Variants in MSR1 observed in about 807,000 individuals in gnomAD.
MSR1 encodes the protein macrophage scavenger receptor types I and II.
In MSR1, 53 loss-of-function variants were observed where a neutral mutation model predicts 47.2. That is an observed-to-expected ratio of 1.12 (90% CI 0.90 to 1.41). The LOEUF is 1.41. Ranked by LOEUF, MSR1 falls within the 40% of genes most tolerant of loss-of-function variation. MSR1 has a pLI of 0.00. For missense variants in MSR1, 786 were observed against 546.9 expected (o/e 1.44, Z -4.36); for synonymous variants, 239 against 185.6 (o/e 1.29, Z -2.34).
chr8:16,186,041 A>G, intron 1 of MSR1: 1 of 870,014 alleles, frequency 1.1e-6, no homozygotes, highest in South Asian at 1.7e-5. Context: ...TGCCACATAG[A>G]ATTTAAGTTG....
At position 16,189,402 on chromosome 8, in the gene MSR1, AT is replaced by A. The variant is rs1441561280; in HGVS notation, c.-5+3195del. ...ATATATAAAATCTTATTTTATATATATTTTATATATATTTTATATATATAAA... is the reference window on the plus strand; with the variant it reads ...ATATATAAAATCTTATTTTATATATATTTATATATATTTTATATATATAAA... On this transcript the variant is annotated intron_variant, in intron 1 of 9. Coordinates refer to ENST00000262101, the MANE Select transcript of MSR1 (RefSeq NM_138715.3). Among the ~76,000 whole-genome samples, 22 of 96,900 alleles carry A rather than the reference AT, an allele frequency of 2.3e-4. 1 individual carries two copies. Among genetic ancestry groups the A allele is most frequent in the African/African-American group, 3.9e-4 (7 of 17,894 alleles). The allele number at this position is 96,900 out of a possible 152,430, so 63.6% of individuals were successfully genotyped here.
chr8:16,120,676 A>G, intron 8 of MSR1, 70 bp from the exon 9 acceptor site: 1 of 1,492,814 alleles, frequency 6.7e-7, no homozygotes, highest in Admixed American at 2.5e-5. Flanking sequence ...ATACTGCTTT[A>G]CAGCACTTTT....
At chr8:16,119,087 G>A (rs1455717924) in intron 9 of MSR1, among the ~76,000 whole-genome samples, 2 of 152,038 alleles carry the variant, frequency 1.3e-5, no homozygotes, top group Non-Finnish European at 2.9e-5. Context: ...ACGGCCAGGG[G>A]CTGAAACTGG....
chr8:16,118,428 T>C (rs1023649318), intron 9 of MSR1, among the ~76,000 whole-genome samples: 1 of 152,190 alleles, frequency 6.6e-6, no homozygotes, highest in African/African-American at 2.4e-5. Context: ...AAATGGATTC[T>C]GTTCCCACAA....
rs1448270877 is a variant in MSR1, at chr8:16,189,274, CAAATATATAAAATCTTATTTACATTTCAT to C, written c.-5+3295_-5+3323del. On this transcript the variant is annotated intron_variant, in intron 1 of 9. Transcript: ENST00000262101. ...ATATAATCTTATTTTATTTATATTT[CAAATATATAAAATCTTATTTACATTTCAT>C]ATATATATAAAATCTTATTTACATT... is the stretch of plus-strand genomic sequence containing the variant. Among the ~76,000 whole-genome samples the C allele has an allele frequency of 2.5e-4, 33 of 132,546 alleles. 2 individuals carry two copies. The highest frequency in any genetic ancestry group is 7.4e-4 in the African/African-American group (27 of 36,594). 87.0% of individuals were successfully genotyped at this position (132,546 alleles called of 152,430 possible). A position where few individuals can be genotyped will look rare whatever the true frequency, so the allele number is the denominator to read the frequency against.
chr8:16,139,638 T>C (rs1209192688), intron 8 of MSR1: 4 of 972,054 alleles, frequency 4.1e-6, no homozygotes, highest in Admixed American at 6.2e-5. Context: ...GTATTCTTTT[T>C]CATGATCAAA....
In MSR1 at chr8:16,177,874, C is replaced by G. The variant is rs1051280589; in HGVS notation, c.103+12G>C. On this transcript the variant is annotated intron_variant, in intron 2 of 9. Transcript: ENST00000262101. ...AACAACCTCCATGGGCAGCCCATCCCCCTCTACTTACTCGGAGGAAGCAAA... is the reference window on the plus strand; with the variant it reads ...AACAACCTCCATGGGCAGCCCATCCGCCTCTACTTACTCGGAGGAAGCAAA... 3.1e-6 allele frequency: 5 copies of G among 1,609,040 alleles called. No individual in the cohort carries two copies. The highest frequency in any genetic ancestry group is 1.1e-5 in the South Asian group (1 of 90,970).
intron 1 of MSR1, among the ~76,000 whole-genome samples, chr8:16,187,372 A>C (rs1802033517): frequency 7.4e-6 from 1 of 135,062 alleles, no homozygotes; most frequent in Admixed American, 7.4e-5. Flanking sequence ...TCCAAAAAAA[A>C]AAAAAAAAAA....
chr8:16,156,865 G>C (rs1801025239), intron 5 of MSR1, among the ~76,000 whole-genome samples: 1 of 151,892 alleles, frequency 6.6e-6, no homozygotes, highest in African/African-American at 2.4e-5. Context: ...GAATCTCTAT[G>C]TGCCCCCTAT....
chr8:16,116,525 A>G (rs1658481820), intron 9 of MSR1, among the ~76,000 whole-genome samples: 1 of 152,162 alleles, frequency 6.6e-6, no homozygotes, highest in South Asian at 2.1e-4. Flanking sequence ...TGAGAGACTT[A>G]TCTCCACATA....
In MSR1 at chr8:16,168,845, C is replaced by A. The variant is rs777586532; in HGVS notation, c.243G>T (p.Lys81Asn). 6 of 1,613,476 alleles carry A rather than the reference C, an allele frequency of 3.7e-6. No individual in the cohort carries two copies. The highest frequency in any genetic ancestry group is 8.5e-7 in the Non-Finnish European group (1 of 1,179,990). The stretch of plus-strand genomic sequence containing the variant: ...CATTAGTTGAACTAACTGAGCAATT[C>A]TTCGTTTCCCACTTCAGGAGTTGAG... The part of the protein sequence containing the change: ...VAAQLLKWET[K>N]NCSVSSTNAN... The change falls in exon 4 of 10, where the codon AAG becomes AAT. Residue 81 changes from lysine (K) to asparagine (N), a missense_variant. Physicochemically the swap from Lys to Asn is moderately conservative, Grantham distance 94. Transcript: ENST00000262101.
At chr8:16,155,182 G>T (rs946765604) in intron 5 of MSR1, 38 bp from the exon 6 acceptor site, 2 of 1,526,026 alleles carry the variant, frequency 1.3e-6, no homozygotes, top group Non-Finnish European at 1.8e-6. Context: ...TAGTTGTAAA[G>T]CATAGGAAAA....
chr8:16,174,004 C>A (rs1449958520), intron 3 of MSR1, among the ~76,000 whole-genome samples: 2 of 152,060 alleles, frequency 1.3e-5, no homozygotes, highest in Non-Finnish European at 2.9e-5. Flanking sequence ...CTTGATTAAA[C>A]TGGGAGACAA....
At chr8:16,157,745 C>T (rs1801050645) in intron 5 of MSR1, among the ~76,000 whole-genome samples, 1 of 151,888 alleles carries the variant, frequency 6.6e-6, no homozygotes, top group Non-Finnish European at 1.5e-5. Flanking sequence ...CAAAACTAGC[C>T]TCCTCTCCAT....
chr8:16,143,679 C>G, intron 7 of MSR1, 68 bp from the exon 8 acceptor site: 1 of 1,103,868 alleles, frequency 9.1e-7, no homozygotes, highest in African/African-American at 1.6e-5. Context: ...TAACTGGAGA[C>G]AGATCATCAC....
chr8:16,186,536 T>C (rs1802005432), intron 1 of MSR1, among the ~76,000 whole-genome samples: 1 of 152,106 alleles, frequency 6.6e-6, no homozygotes, highest in Admixed American at 6.6e-5. Context: ...CATCCAACCC[T>C]GTTGCTTTGT....
In MSR1 at chr8:16,156,802, C is replaced by T. The variant is rs186233798; in HGVS notation, c.818-1658G>A. On this transcript the variant is annotated intron_variant, in intron 5 of 9. Transcript: ENST00000262101. The stretch of plus-strand genomic sequence containing the variant: ...ATTCTAAGGTATAGCTTAATTGCTG[C>T]GAGACATATATTTAAATGCTGCACA... Among the ~76,000 whole-genome samples, 499 of 151,648 alleles carry T rather than the reference C, an allele frequency of 3.3e-3. 2 individuals are homozygous for T. Among genetic ancestry groups the T allele is most frequent in the Middle Eastern group, 0.014 (4 of 294 alleles).
intron 9 of MSR1, among the ~76,000 whole-genome samples, chr8:16,110,685 G>C (rs6995004): frequency 0.091 from 13,819 of 152,030 alleles, 827 homozygotes; most frequent in African/African-American, 0.16. Context: ...TCCTCCTTTT[G>C]TTATCTTCCC....
chr8:16,126,504 CACA>C (rs1171042581), intron 8 of MSR1, among the ~76,000 whole-genome samples: 1 of 152,036 alleles, frequency 6.6e-6, no homozygotes, highest in Non-Finnish European at 1.5e-5. Flanking sequence ...TGAAAGTTCT[CACA>C]ACATGGCAAA....
Sources: allele counts gnomAD v4.1 joint callset (sites outside exome capture counted in the v4.1 genomes callset), GRCh38; gene constraint gnomAD v4.1.1; transcripts MANE v1.5; gene names NCBI Gene and HGNC (gene_info 2026-07-23, HGNC 2026-07-21).